Variants in RLIG1 observed in about 807,000 individuals in gnomAD.
RLIG1 encodes the protein RNA 5'-phosphate and 3'-OH ligase 1, also known as RNA ligase 1.
the RLIG1 span, chr12:88,040,016 A>T: frequency 1.5e-6 from 1 of 663,584 alleles, no homozygotes; most frequent in Non-Finnish European, 2.7e-6. Flanking sequence ...AAATATTTTT[A>T]AATCATTCTG....
the RLIG1 span, among the ~76,000 whole-genome samples, chr12:88,037,405 T>C: frequency 6.6e-6 from 1 of 152,172 alleles, no homozygotes; most frequent in Non-Finnish European, 1.5e-5. Flanking sequence ...CCCCTCAGTG[T>C]CTCGTGTTGT....
chr12:88,048,308 C>G, the RLIG1 span: 1 of 1,605,274 alleles, frequency 6.2e-7, no homozygotes, highest in Non-Finnish European at 8.5e-7. Context: ...TTATTATCAA[C>G]ATGAACCTGA....
the RLIG1 span, chr12:88,049,300 C>A: frequency 1.3e-6 from 2 of 1,588,894 alleles, no homozygotes; most frequent in Non-Finnish European, 8.6e-7. Flanking sequence ...ACCTTCTCTT[C>A]TAAGAGAATA....
chr12:88,035,818 G>T, the RLIG1 span: 1 of 1,545,124 alleles, frequency 6.5e-7, no homozygotes, highest in Non-Finnish European at 8.7e-7. Flanking sequence ...ACCCGGCGAG[G>T]GCGGCTGGGC....
At chr12:88,045,628 C>T in the RLIG1 span, 1 of 1,612,830 alleles carries the variant, frequency 6.2e-7, no homozygotes, top group Non-Finnish European at 8.5e-7. Context: ...GCTGGCATTC[C>T]TCTGTAGTTA....
chr12:88,048,316 T>G, the RLIG1 span: 1 of 1,606,538 alleles, frequency 6.2e-7, no homozygotes, highest in Non-Finnish European at 8.5e-7. Flanking sequence ...AACATGAACC[T>G]GAACAAATGT....
the RLIG1 span, chr12:88,046,944 G>T: frequency 3.1e-6 from 5 of 1,611,594 alleles, no homozygotes; most frequent in Non-Finnish European, 3.4e-6. Context: ...TGAAGGAATA[G>T]TGTGGCATTG....
At chr12:88,044,093 C>T in the RLIG1 span, 1 of 200,516 alleles carries the variant, frequency 5.0e-6, no homozygotes, top group Non-Finnish European at 9.9e-6. Flanking sequence ...GGCAACATGG[C>T]AAAACCCTGT....
At chr12:88,046,395 T>C in the RLIG1 span, among the ~76,000 whole-genome samples, 20 of 152,152 alleles carry the variant, frequency 1.3e-4, no homozygotes, top group Non-Finnish European at 2.5e-4. Flanking sequence ...TGAAGAATAG[T>C]TGAATGTGGC....
At chr12:88,039,272 A>C in the RLIG1 span, among the ~76,000 whole-genome samples, 1 of 152,154 alleles carries the variant, frequency 6.6e-6, no homozygotes. Context: ...ACATTACCAC[A>C]TCCTTGCTAA....
chr12:88,039,501 C>G, the RLIG1 span, among the ~76,000 whole-genome samples: 1 of 152,278 alleles, frequency 6.6e-6, no homozygotes, highest in Middle Eastern at 3.4e-3. Flanking sequence ...TCACGCAGAT[C>G]CAGACTCAAT....
the RLIG1 span, chr12:88,048,263 G>T: frequency 6.3e-7 from 1 of 1,586,912 alleles, no homozygotes. Context: ...GCTTATGCTG[G>T]CCAATTCCAG....
At chr12:88,039,647 A>G in the RLIG1 span, among the ~76,000 whole-genome samples, 373 of 152,242 alleles carry the variant, frequency 2.5e-3, 1 homozygote, top group African/African-American at 8.6e-3. Context: ...CCGTATCCAA[A>G]ATAGCACCTC....
chr12:88,041,534 C>T, the RLIG1 span, among the ~76,000 whole-genome samples: 16 of 152,292 alleles, frequency 1.1e-4, no homozygotes, highest in East Asian at 2.7e-3. Context: ...ACCTTTCTAC[C>T]AACAGTGCAC....
At chr12:88,036,094 T>TTTA in the RLIG1 span, 1 of 1,348,618 alleles carries the variant, frequency 7.4e-7, no homozygotes, top group Non-Finnish European at 9.7e-7. Flanking sequence ...CAGTCCAAGC[T>TTTA]TTACTACTTT....
chr12:88,045,446 G>A, the RLIG1 span: 1 of 656,296 alleles, frequency 1.5e-6, no homozygotes, highest in African/African-American at 1.8e-5. Context: ...CTTTCCCACT[G>A]AATTTTAAAG....
the RLIG1 span, among the ~76,000 whole-genome samples, chr12:88,038,795 C>G: frequency 6.6e-6 from 1 of 152,098 alleles, no homozygotes; most frequent in Non-Finnish European, 1.5e-5. Flanking sequence ...AGTCTGTGAT[C>G]TGTTATGTTT....
chr12:88,035,565 G>C, the RLIG1 span: 7 of 1,396,950 alleles, frequency 5.0e-6, no homozygotes, highest in Admixed American at 3.9e-5. Context: ...AGCCGTGCGG[G>C]TGACTGCTTC....
At chr12:88,048,335 C>A in the RLIG1 span, 2 of 1,603,948 alleles carry the variant, frequency 1.2e-6, no homozygotes, top group African/African-American at 2.7e-5. Flanking sequence ...GTGACTCTGC[C>A]TTTGATATTA....
Sources: gnomAD v4.1 joint callset for allele counts (sites outside exome capture counted in the v4.1 genomes callset) on GRCh38, gnomAD v4.1.1 for gene constraint, MANE v1.5 for transcripts, NCBI Gene and HGNC (gene_info 2026-07-23, HGNC 2026-07-21) for gene names.